Variants in CNOT7 observed in about 807,000 individuals in gnomAD.
CNOT7 encodes BTG1-binding factor 1.
In CNOT7, 4 loss-of-function variants were observed where a neutral mutation model predicts 37.1. The ratio of observed to expected loss-of-function variants is 0.11; its 90% CI spans 0.05 to 0.25. The LOEUF is 0.25. Ranked by LOEUF, CNOT7 falls within the 10% of genes least tolerant of loss-of-function variation. The pLI, the probability that CNOT7 is intolerant of heterozygous loss-of-function variation, is 1.00. For synonymous variants in CNOT7, 128 were observed against 115.6 expected, an observed-to-expected ratio of 1.11 and a Z score of -0.69; for missense variants, 170 against 336.2, an observed-to-expected ratio of 0.51 and a Z score of 3.87.
In CNOT7 at chr8:17,239,401, T is replaced by C. The variant is rs569450177; in HGVS notation, c.312-2028A>G. On this transcript the variant is annotated intron_variant, in intron 3 of 6. Transcript: ENST00000361272. ...TCTATCTCCTTCTTTACACTGCCAC[T>C]TTCCTTAAATGAAGCATCAGCATCC... Among the ~76,000 whole-genome samples the C allele has an allele frequency of 1.6e-4, 24 of 152,228 alleles. No homozygotes were observed. The East Asian group carries it at 4.5e-3, about 28-fold the overall frequency.
At position 17,240,300 on chromosome 8, in the gene CNOT7, G is replaced by T. The variant is rs538639853; in HGVS notation, c.311+2692C>A. 8.5e-5 allele frequency among the ~76,000 whole-genome samples: 13 copies of T among 152,186 alleles called. No individual in the cohort carries two copies. In the East Asian group the frequency reaches 2.5e-3, roughly 29 times the overall value. On this transcript the variant is annotated intron_variant, in intron 3 of 6. Transcript: ENST00000361272. ...AGTGGGCCACATGTGGCCCGGCATG[G>T]CTGTGAATGTAGCCCAATACAAATT...
chr8:17,233,351 C>T (rs1237305743), intron 5 of CNOT7, among the ~76,000 whole-genome samples: 7 of 152,168 alleles, frequency 4.6e-5, no homozygotes, highest in Admixed American at 2.0e-4. Context: ...GTTGCTTCTG[C>T]GCTAAAAATA....
At chr8:17,243,540 G>T (rs927268326) in intron 2 of CNOT7, 1 of 472,258 alleles carries the variant, frequency 2.1e-6, no homozygotes, top group African/African-American at 2.0e-5. Flanking sequence ...CAAGTTTCTT[G>T]AAGAACTGGT....
In CNOT7 at chr8:17,232,413, TG is replaced by T; in HGVS notation, c.729+13del. ...TAACAACCAACTGAGAAAAAGGCAG[TG>T]ATGTCTTCATACTTCTCTCATTTTG... is the stretch of plus-strand genomic sequence containing the variant. On this transcript the variant is annotated intron_variant, in intron 6 of 6. Coordinates refer to ENST00000361272, the MANE Select transcript of CNOT7 (RefSeq NM_013354.7). 1 of 1,613,738 alleles carries T rather than the reference TG, an allele frequency of 6.2e-7. No individual in the cohort carries two copies. The highest frequency in any genetic ancestry group is 8.5e-7 in the Non-Finnish European group (1 of 1,179,876).
intron 4 of CNOT7, among the ~76,000 whole-genome samples, chr8:17,236,966 C>T (rs1380141901): frequency 1.3e-5 from 2 of 152,174 alleles, no homozygotes; most frequent in Non-Finnish European, 2.9e-5. Flanking sequence ...CAGGGTCTTT[C>T]ACTTTTTAGA....
In CNOT7 at chr8:17,245,129, A is replaced by G; in HGVS notation, c.24T>C (p.His8=). The G allele has an allele frequency of 1.2e-6, 2 of 1,613,610 alleles. No homozygotes were observed. Among genetic ancestry groups the G allele is most frequent in the Middle Eastern group, 1.7e-4 (1 of 6,050 alleles). Residue 8 remains histidine, a synonymous_variant, in exon 2 of 7, where the codon CAT becomes CAC. Coordinates refer to ENST00000361272, the MANE Select transcript of CNOT7 (RefSeq NM_013354.7). Reference sequence around the variant, plus strand: ...CCCAAACTTCACAAATTCTTTGGCTATGATCTACAGTTGCCGCTGGCATAG... The same window carrying G: ...CCCAAACTTCACAAATTCTTTGGCTGTGATCTACAGTTGCCGCTGGCATAG... MPAATVD[H]SQRICEVWAC... is the part of the protein sequence containing the mutation.
intron 1 of CNOT7, chr8:17,246,400 G>T (rs917931816): frequency 1.3e-5 from 2 of 152,746 alleles, no homozygotes; most frequent in Non-Finnish European, 2.9e-5. Flanking sequence ...ACAATACGAA[G>T]AGGTGAGGAT....
At chr8:17,242,330 A>G (rs961602812) in intron 3 of CNOT7, 8 of 152,172 alleles carry the variant, frequency 5.3e-5, no homozygotes, top group Admixed American at 2.6e-4. Flanking sequence ...CCCCTCTCTA[A>G]AAACATCTAA....
At position 17,246,820 on chromosome 8, in the gene CNOT7, AGCTGCGCCGCACCGT is replaced by A. The variant is rs1811231610; in HGVS notation, c.-256_-242del. 1 of 221,248 alleles carries A rather than the reference AGCTGCGCCGCACCGT, an allele frequency of 4.5e-6. No individual in the cohort carries two copies. The allele number at this position is 221,248 out of a possible 1,614,324, so 13.7% of individuals were successfully genotyped here. A position where few individuals can be genotyped will look rare whatever the true frequency, so the allele number is the denominator to read the frequency against. ...CCCAGCGAAGGGAAAGGCGAGCAGG[AGCTGCGCCGCACCGT>A]GCTGCGCCGTCGCTTTTCGCACGTC... On this transcript the variant is annotated 5_prime_UTR_variant, in exon 1 of 7. Transcript: ENST00000361272.
intron 5 of CNOT7, among the ~76,000 whole-genome samples, chr8:17,233,305 T>G (rs967971607): frequency 6.6e-6 from 1 of 152,214 alleles, no homozygotes; most frequent in Non-Finnish European, 1.5e-5. Flanking sequence ...ATGGCCCTTC[T>G]GTGCATCACA....
At chr8:17,234,417 T>C (rs920293189) in intron 5 of CNOT7, among the ~76,000 whole-genome samples, 3 of 152,182 alleles carry the variant, frequency 2.0e-5, no homozygotes, top group African/African-American at 7.2e-5. Flanking sequence ...AGAGCCTCAA[T>C]GTCCTCAGAT....
intron 4 of CNOT7, 111 bp downstream of exon 4, chr8:17,237,101 A>AG: frequency 2.0e-6 from 2 of 1,005,004 alleles, no homozygotes. Flanking sequence ...TCTATATGGC[A>AG]GTCAACTCTT....
chr8:17,245,575 A>T (rs1810852996), intron 1 of CNOT7, among the ~76,000 whole-genome samples: 1 of 152,248 alleles, frequency 6.6e-6, no homozygotes, highest in Non-Finnish European at 1.5e-5. Context: ...ATTTCCAGAC[A>T]AAAAATGAAA....
Position 17,237,380 on chromosome 8 carries a change from GAAGA to G in CNOT7, c.312-11_312-8del. ...CTGGGCATACATGTCCTCCCTGGCA[GAAGA>G]AAGAGAAAGACAACATTCAAACATG... On this transcript the variant is annotated splice_polypyrimidine_tract_variant and splice_region_variant and intron_variant, in intron 3 of 6. Coordinates refer to ENST00000361272, the MANE Select transcript of CNOT7 (RefSeq NM_013354.7). 6.2e-7 allele frequency: 1 copy of G among 1,612,602 alleles called. No homozygotes were observed. The highest frequency in any genetic ancestry group is 8.5e-7 in the Non-Finnish European group (1 of 1,179,170).
At chr8:17,234,297 C>T (rs1809037780) in intron 5 of CNOT7, among the ~76,000 whole-genome samples, 1 of 152,118 alleles carries the variant, frequency 6.6e-6, no homozygotes, top group Non-Finnish European at 1.5e-5. Context: ...AAAACTTTTG[C>T]CACACTACTA....
Position 17,225,830 on chromosome 8 carries a change from A to G in CNOT7, c.*4890T>C, listed in dbSNP as rs1255404772. ...ACTACAAAGCACCGACACACAGAATAATCAGCATTTTTCCTATCCCTTTAT... is the reference window on the plus strand; with the variant it reads ...ACTACAAAGCACCGACACACAGAATGATCAGCATTTTTCCTATCCCTTTAT... On this transcript the variant is annotated 3_prime_UTR_variant, in exon 7 of 7. Coordinates refer to ENST00000361272, the MANE Select transcript of CNOT7 (RefSeq NM_013354.7). 2 of 151,712 alleles carry G rather than the reference A, an allele frequency of 1.3e-5. No homozygotes were observed. The highest frequency in any genetic ancestry group is 4.8e-5 in the African/African-American group (2 of 41,394). 9.4% of individuals were successfully genotyped at this position (151,712 alleles called of 1,614,324 possible). A position where few individuals can be genotyped will look rare whatever the true frequency, so the allele number is the denominator to read the frequency against.
intron 6 of CNOT7, 97 bp downstream of exon 6, chr8:17,232,330 C>A (rs1808747408): frequency 1.3e-6 from 2 of 1,596,100 alleles, no homozygotes; most frequent in African/African-American, 2.7e-5. Flanking sequence ...TATATCTTTA[C>A]TTAGTAGGTA....
intron 3 of CNOT7, chr8:17,242,303 A>G (rs73200913): frequency 6.6e-6 from 1 of 152,192 alleles, no homozygotes; most frequent in African/African-American, 2.4e-5. Flanking sequence ...TACCCAACTT[A>G]GTTTGCAAAT....
At chr8:17,230,919 A>C in intron 6 of CNOT7, 71 bp from the exon 7 acceptor site, 4 of 1,124,728 alleles carry the variant, frequency 3.6e-6, no homozygotes, top group Non-Finnish European at 3.8e-6. Flanking sequence ...TTTATATTTC[A>C]GCAATGTAAG....
Sources: allele counts gnomAD v4.1 joint callset (sites outside exome capture counted in the v4.1 genomes callset), GRCh38; gene constraint gnomAD v4.1.1; transcripts MANE v1.5; gene names NCBI Gene and HGNC (gene_info 2026-07-23, HGNC 2026-07-21).